SMTN: variants seen among roughly 807,000 people sequenced by gnomAD.
SMTN encodes the protein smoothelin.
SMTN carries 58 observed loss-of-function variants against 102.0 expected under a neutral mutation model. That is an observed-to-expected ratio of 0.57 (90% confidence interval 0.46 to 0.71). The LOEUF (loss-of-function observed/expected upper bound fraction) is 0.71, where lower values mean the gene tolerates loss of function less well. Ranked by LOEUF, SMTN falls within the 30% of genes least tolerant of loss-of-function variation. The probability of loss-of-function intolerance (pLI) is 0.00; values close to 1 mark genes in which losing one functional copy is unlikely to be tolerated. For missense variants in SMTN, 1,185 were observed against 1,241.7 expected, an observed-to-expected ratio of 0.95 and a Z score of 0.69; for synonymous variants, 478 against 497.9, an observed-to-expected ratio of 0.96 and a Z score of 0.53.
chr22:31,081,551 A>T (rs1292810035), intron 1 of SMTN, 95 bp downstream of exon 1: 3 of 152,284 alleles, frequency 2.0e-5, no homozygotes, highest in Non-Finnish European at 2.9e-5. Context: ...GAACGTCCAG[A>T]CCTGGGAGCC....
Position 31,091,431 on chromosome 22 carries a change from G to T in SMTN, c.1408G>T (p.Gly470Cys). The part of the protein sequence containing the change: ...TFTIEIKDGR[G>C]QASTGRVLLP... ...CACCATCGAGATCAAGGACGGCCGTGGCCAGGCCTCCACAGGCCGGGTGCT... is the reference window on the plus strand; with the variant it reads ...CACCATCGAGATCAAGGACGGCCGTTGCCAGGCCTCCACAGGCCGGGTGCT... The change falls in exon 10 of 21, where the codon GGC becomes TGC. Residue 470 changes from glycine (G) to cysteine (C), a missense_variant. Around this residue, in one of 2 missense-constraint regions of SMTN, gnomAD observed 1,096 missense variants for 1,112.7 expected, o/e 0.98. Coordinates refer to ENST00000333137, the MANE Select transcript of SMTN (RefSeq NM_134269.3). 2 of 1,548,694 alleles carry T rather than the reference G, an allele frequency of 1.3e-6. No individual in the cohort carries two copies. The highest frequency in any genetic ancestry group is 1.4e-5 in the African/African-American group (1 of 72,996).
At chr22:31,080,370 CAT>C (rs959096508), upstream of SMTN, 3 of 152,222 alleles carry the variant, frequency 2.0e-5, no homozygotes, top group African/African-American at 7.2e-5. Flanking sequence ...GTCATGGTCT[CAT>C]GTGCTTGTTA....
chr22:31,070,612 C>G (rs916901218), intron 1 of SMTN, among the ~76,000 whole-genome samples: 1 of 152,080 alleles, frequency 6.6e-6, no homozygotes, highest in African/African-American at 2.4e-5. Flanking sequence ...ACTACCTGTT[C>G]AAAACAAAAC....
intron 13 of SMTN, chr22:31,096,242 G>T (rs1244951198): frequency 6.2e-6 from 1 of 161,168 alleles, no homozygotes; most frequent in Non-Finnish European, 1.3e-5. Flanking sequence ...TTCTCTCCCA[G>T]CTACTCTTCC....
At chr22:31,097,240 C>T (rs1030193376) in intron 15 of SMTN, 29 bp from the exon 16 acceptor site, 3 of 1,611,848 alleles carry the variant, frequency 1.9e-6, no homozygotes, top group South Asian at 2.2e-5. Context: ...CCCAGGCCCT[C>T]ACCTGGTGCC....
At chr22:31,084,390 C>T (rs2042521962) in intron 2 of SMTN, among the ~76,000 whole-genome samples, 1 of 152,246 alleles carries the variant, frequency 6.6e-6, no homozygotes, top group South Asian at 2.1e-4. Flanking sequence ...CTGGGCAGTG[C>T]CCAGCTGCTG....
chr22:31,076,099 G>C (rs2042121900), intron 1 of SMTN, among the ~76,000 whole-genome samples: 2 of 152,168 alleles, frequency 1.3e-5, no homozygotes, highest in African/African-American at 4.8e-5. Context: ...CTTGGAGGCT[G>C]GGTTTGGGTT....
At chr22:31,084,593 A>C (rs771841536) in intron 2 of SMTN, among the ~76,000 whole-genome samples, 2 of 152,224 alleles carry the variant, frequency 1.3e-5, no homozygotes, top group Non-Finnish European at 2.9e-5. Context: ...TCGTAGAGGC[A>C]GCACAGTCCA....
In SMTN at chr22:31,104,320, CTGG is replaced by C; in HGVS notation, c.*29_*31del. The C allele has an allele frequency of 6.2e-7, 1 of 1,614,144 alleles. No individual in the cohort carries two copies. The highest frequency in any genetic ancestry group is 8.5e-7 in the Non-Finnish European group (1 of 1,179,988). ...CCCCGTGCCCCCTCCCTGCAGGATG[CTGG>C]TGGACTGTGTGCCCCTGGTGGAGGT... On this transcript the variant is annotated 3_prime_UTR_variant, in exon 21 of 21. Transcript: ENST00000333137.
At chr22:31,080,063 C>T (rs540494668), upstream of SMTN, among the ~76,000 whole-genome samples, 51 of 152,258 alleles carry the variant, frequency 3.3e-4, 1 homozygote, top group South Asian at 9.5e-3. Context: ...GCACCTGGCC[C>T]GTGCCTTGGT....
At position 31,091,445 on chromosome 22, in the gene SMTN, A is replaced by G. The variant is rs1006140565; in HGVS notation, c.1422A>G (p.Thr474=). Residue 474 remains threonine, a synonymous_variant, in exon 10 of 21, where the codon ACA becomes ACG. Coordinates refer to ENST00000333137, the MANE Select transcript of SMTN (RefSeq NM_134269.3). ...EIKDGRGQAS[T]GRVLLPTGNQ... is the part of the protein sequence containing the mutation. ...AGGACGGCCGTGGCCAGGCCTCCAC[A>G]GGCCGGGTGCTGCTGCCCACAGGCA... 1 of 1,534,728 alleles carries G rather than the reference A, an allele frequency of 6.5e-7. No individual in the cohort carries two copies. Among genetic ancestry groups the G allele is most frequent in the Non-Finnish European group, 8.7e-7 (1 of 1,144,430 alleles).
intron 6 of SMTN, 130 bp downstream of exon 6, chr22:31,089,099 G>T: frequency 1.4e-6 from 1 of 725,916 alleles, no homozygotes; most frequent in South Asian, 1.8e-5. Flanking sequence ...CCTCTATTTA[G>T]CAGTCAGAGG....
At chr22:31,079,075 T>C (rs2042198563), upstream of SMTN, among the ~76,000 whole-genome samples, 1 of 152,218 alleles carries the variant, frequency 6.6e-6, no homozygotes, top group South Asian at 2.1e-4. Flanking sequence ...TTCAGCTTCC[T>C]CTGTCGAATC....
At chr22:31,085,017 C>A (rs909300615) in intron 2 of SMTN, 1 of 1,496,124 alleles carries the variant, frequency 6.7e-7, no homozygotes, top group Non-Finnish European at 8.9e-7. Flanking sequence ...GATTTGGGGA[C>A]GCGGGCAGTC....
At chr22:31,104,207 T>G in intron 20 of SMTN, 109 bp from the exon 21 acceptor site, 1 of 1,304,484 alleles carries the variant, frequency 7.7e-7, no homozygotes, top group Non-Finnish European at 1.1e-6. Context: ...TGTCTGGAGT[T>G]TATGAAAGAC....
chr22:31,100,980 T>G lies in SMTN; in HGVS notation c.2699T>G (p.Phe900Cys), dbSNP rs763546270. ...TGCGTGTACACGTACATCCAGGAATTCTACCGCTGTCTGGTCCAGAAGGGG... is the reference window on the plus strand; with the variant it reads ...TGCGTGTACACGTACATCCAGGAATGCTACCGCTGTCTGGTCCAGAAGGGG... ...WKCVYTYIQE[F>C]YRCLVQKGLV... The change falls in exon 20 of 21, where the codon TTC becomes TGC. Residue 900 changes from phenylalanine (F) to cysteine (C), a missense_variant. Transcript: ENST00000333137. 8 of 1,613,476 alleles carry G rather than the reference T, an allele frequency of 5.0e-6. No individual in the cohort carries two copies. The highest frequency in any genetic ancestry group is 5.9e-6 in the Non-Finnish European group (7 of 1,179,848).
rs770728070 is a variant in SMTN, at chr22:31,090,035, G to C, written c.792+16G>C. ...GGTCAACAAGGTGAGTCTGGATGAG[G>C]GGCAGGGATGCCAGGCAAGTGAGCA... On this transcript the variant is annotated intron_variant, in intron 7 of 20. Transcript: ENST00000333137. 1 of 1,610,074 alleles carries C rather than the reference G, an allele frequency of 6.2e-7. No homozygotes were observed. Among genetic ancestry groups the C allele is most frequent in the Non-Finnish European group, 8.5e-7 (1 of 1,177,404 alleles).
rs1362455397 is a variant in SMTN at position 31,089,690 on chromosome 22, C to G, written c.472-9C>G. 3 of 1,590,882 alleles carry G rather than the reference C, an allele frequency of 1.9e-6. No individual in the cohort carries two copies. The South Asian group carries it at 3.3e-5, about 18-fold the overall frequency. Reference sequence around the variant, plus strand: ...GGAGCCTTGGTTGCATCCTGTGGGTCCCTTACAGGTGCCAGAGCGAGAGGA... The same window carrying G: ...GGAGCCTTGGTTGCATCCTGTGGGTGCCTTACAGGTGCCAGAGCGAGAGGA... On this transcript the variant is annotated splice_polypyrimidine_tract_variant and intron_variant, in intron 6 of 20. Transcript: ENST00000333137.
intron 11 of SMTN, among the ~76,000 whole-genome samples, chr22:31,094,682 T>C (rs1415114795): frequency 2.4e-4 from 30 of 123,720 alleles, no homozygotes; most frequent in Non-Finnish European, 4.1e-4. Context: ...TTTTTTTTTT[T>C]CCGGTCTTGT....
Sources: gnomAD v4.1 joint callset for allele counts (sites outside exome capture counted in the v4.1 genomes callset) on GRCh38, gnomAD v4.1.1 for gene constraint, gnomAD v4.1.1 regional missense constraint, MANE v1.5 for transcripts, NCBI Gene and HGNC (gene_info 2026-07-23, HGNC 2026-07-21) for gene names.